FAM184A: variants seen among roughly 807,000 people sequenced by gnomAD.
FAM184A encodes the protein protein FAM184A.
A neutral mutation model predicts 143.8 loss-of-function variants in FAM184A; 99 were observed. The observed-to-expected ratio is 0.69, with a 90% CI of 0.58 to 0.81. The LOEUF (loss-of-function observed/expected upper bound fraction) is 0.81. Ranked by LOEUF, FAM184A falls within the 40% of genes least tolerant of loss-of-function variation. FAM184A has a pLI of 0.00. For synonymous variants in FAM184A, 427 were observed against 446.4 expected, an observed-to-expected ratio of 0.96 and a Z score of 0.55; for missense variants, 1,217 against 1,310.5, an observed-to-expected ratio of 0.93 and a Z score of 1.10.
intron 1 of FAM184A, among the ~76,000 whole-genome samples, chr6:119,059,752 T>G (rs1787151064): frequency 6.6e-6 from 1 of 152,240 alleles, no homozygotes; most frequent in Non-Finnish European, 1.5e-5. Context: ...TCAGCACTTA[T>G]TATAAACAAA....
chr6:118,960,143 G>A lies in FAM184A; in HGVS notation c.3383C>T (p.Pro1128Leu). The A allele has an allele frequency of 6.2e-7, 1 of 1,613,416 alleles. No individual in the cohort carries two copies. The highest frequency in any genetic ancestry group is 1.3e-5 in the African/African-American group (1 of 75,000). ...CCGGGCAAACCACTCCTGGCGCTGG[G>A]GATCTGGAGAAGCCACTGGAGAAGC... is the stretch of plus-strand genomic sequence containing the variant. The part of the protein sequence containing the change: ...SEASPVASPD[P>L]QRQEWFARYF... Residue 1128 changes from proline (P) to leucine (L), a missense_variant, in exon 18 of 18, where the codon CCC becomes CTC. Physicochemically the swap from Pro to Leu is moderately conservative, Grantham distance 98. Transcript: ENST00000338891.
intron 14 of FAM184A, among the ~76,000 whole-genome samples, chr6:118,970,008 A>ATATATATATATTTATATATATATTTTT: frequency 5.3e-5 from 1 of 19,046 alleles, no homozygotes; most frequent in Non-Finnish European, 1.1e-4. Flanking sequence ...ATATATATAT[A>ATATATATATATTTATATATATATTTTT]TTTTTTTTTT....
chr6:119,067,442 T>C lies in FAM184A; in HGVS notation c.159+10699A>G, dbSNP rs571300161. 5.3e-5 allele frequency among the ~76,000 whole-genome samples: 8 copies of C among 152,240 alleles called. No homozygotes were observed. The South Asian group carries it at 1.7e-3, about 31-fold the overall frequency. On this transcript the variant is annotated intron_variant, in intron 1 of 17. Transcript: ENST00000338891. ...AGATACAGTTGATCTTCTTTACTCA[T>C]GGACTCCCTATTTGTAAATTATCTT...
intron 1 of FAM184A, among the ~76,000 whole-genome samples, chr6:119,096,969 T>C (rs1045666478): frequency 1.3e-5 from 2 of 152,164 alleles, no homozygotes; most frequent in Admixed American, 1.3e-4. Flanking sequence ...TCTTTTCTCA[T>C]TTGAAGATTT....
intron 9 of FAM184A, among the ~76,000 whole-genome samples, chr6:118,984,420 C>T (rs1193173380): frequency 5.9e-5 from 9 of 151,660 alleles, no homozygotes; most frequent in Non-Finnish European, 1.5e-5. Context: ...TCAAGCGATC[C>T]TCCTGCCTCA....
In FAM184A at chr6:119,003,580, C is replaced by T; in HGVS notation, c.1858G>A (p.Ala620Thr). The change falls in exon 8 of 18, where the codon GCT (alanine) becomes ACT (threonine). Residue 620 changes from alanine to threonine, a missense_variant. Coordinates refer to ENST00000338891, the MANE Select transcript of FAM184A (RefSeq NM_024581.6). ...AGCTTCTCTTCTTCTTTCATGGCAG[C>T]AATTGTTTCTTCATGCTGTTGCCTT... ...QERQQHEETI[A>T]AMKEEEKLKV... 6.2e-7 allele frequency: 1 copy of T among 1,612,416 alleles called. No homozygotes were observed. The highest frequency in any genetic ancestry group is 1.1e-5 in the South Asian group (1 of 90,874).
At chr6:119,129,619 C>G (rs1188158035) in intron 1 of FAM184A, among the ~76,000 whole-genome samples, 4 of 151,640 alleles carry the variant, frequency 2.6e-5, no homozygotes, top group Non-Finnish European at 4.4e-5. Context: ...ATTCTTAATA[C>G]TGTAATTAGA....
At chr6:118,974,290 C>G in intron 14 of FAM184A, 138 bp downstream of exon 14, 1 of 664,516 alleles carries the variant, frequency 1.5e-6, no homozygotes, top group Non-Finnish European at 2.4e-6. Flanking sequence ...CTGCAATTAC[C>G]ATCTGTAACA....
chr6:118,979,241 A>G (rs991867468), intron 11 of FAM184A, 124 bp downstream of exon 11: 3 of 869,906 alleles, frequency 3.4e-6, no homozygotes, highest in African/African-American at 3.4e-5. Context: ...AATATGCAGT[A>G]CACTTAGATA....
intron 17 of FAM184A, chr6:118,960,967 G>A (rs376863455): frequency 2.2e-6 from 1 of 462,756 alleles, no homozygotes. Flanking sequence ...TATTTTTTTT[G>A]TTAATCATTA....
At position 119,078,225 on chromosome 6, in the gene FAM184A, G is replaced by A. The variant is rs772353584; in HGVS notation, c.75C>T (p.Ala25=). ...TGCTGTGCCCAGCCAGCTGTGCGGT[G>A]GCCGGCGAGGGCGCGAATTTGGCCG... The part of the protein sequence containing the change: ...GSAAKFAPSP[A]TAQLAGHSMD... Residue 25 remains alanine, a synonymous_variant, in exon 1 of 18, where the codon GCC becomes GCT. Transcript: ENST00000338891. The surrounding 1 kb of genome is among the most constrained non-coding windows in gnomAD (Gnocchi z 5.5). The A allele has an allele frequency of 2.6e-6, 4 of 1,542,486 alleles. No individual in the cohort carries two copies. Among genetic ancestry groups the A allele is most frequent in the East Asian group, 2.5e-5 (1 of 40,390 alleles).
At chr6:119,089,797 A>G (rs904823250) in intron 1 of FAM184A, among the ~76,000 whole-genome samples, 5 of 152,338 alleles carry the variant, frequency 3.3e-5, no homozygotes, top group African/African-American at 1.2e-4. Context: ...ACATCGTTAT[A>G]AAAGAGTTTG....
At chr6:118,966,807 T>C (rs748981480) in intron 15 of FAM184A, 28 bp downstream of exon 15, 2 of 1,098,106 alleles carry the variant, frequency 1.8e-6, no homozygotes, top group South Asian at 2.7e-5. Flanking sequence ...ATTACTAACA[T>C]GGTTAGACTA....
intron 1 of FAM184A, among the ~76,000 whole-genome samples, chr6:119,061,028 T>C (rs1421675258): frequency 3.9e-5 from 6 of 152,208 alleles, no homozygotes; most frequent in African/African-American, 1.4e-4. Flanking sequence ...AGTTTAAGAT[T>C]CAGAGGAAAT....
At chr6:118,964,516 T>G in intron 16 of FAM184A, 151 bp downstream of exon 16, 1 of 452,510 alleles carries the variant, frequency 2.2e-6, no homozygotes. Flanking sequence ...AATGAACATA[T>G]AAATAATTCA....
chr6:118,982,428 G>A (rs1784051688), intron 9 of FAM184A, among the ~76,000 whole-genome samples: 1 of 152,126 alleles, frequency 6.6e-6, no homozygotes, highest in Non-Finnish European at 1.5e-5. Flanking sequence ...AGCTGGAAAG[G>A]GTGTGTCACA....
At chr6:118,999,022 C>A (rs550765741) in intron 9 of FAM184A, among the ~76,000 whole-genome samples, 3 of 152,206 alleles carry the variant, frequency 2.0e-5, no homozygotes, top group African/African-American at 7.2e-5. Context: ...CTACAAGTGT[C>A]CTGGAATCAG....
chr6:119,097,030 A>G (rs1318251183), intron 1 of FAM184A, among the ~76,000 whole-genome samples: 2 of 152,118 alleles, frequency 1.3e-5, no homozygotes, highest in Non-Finnish European at 2.9e-5. Flanking sequence ...AGGAATTCCC[A>G]GAGTAGAAAG....
chr6:118,994,733 A>C (rs946623574), intron 9 of FAM184A, among the ~76,000 whole-genome samples: 2 of 94,188 alleles, frequency 2.1e-5, no homozygotes, highest in African/African-American at 6.4e-5. Context: ...AAATAAATAA[A>C]TAAAAAGCCA....
Sources: allele counts gnomAD v4.1 joint callset (sites outside exome capture counted in the v4.1 genomes callset), GRCh38; gene constraint gnomAD v4.1.1; non-coding constraint Gnocchi (gnomAD v3.1); transcripts MANE v1.5; gene names NCBI Gene and HGNC (gene_info 2026-07-23, HGNC 2026-07-21).